Variants in THSD4 observed in about 807,000 individuals in gnomAD.
THSD4 encodes the protein thrombospondin type 1 domain containing 4.
In THSD4, 69 loss-of-function variants were observed where a neutral mutation model predicts 119.0. The observed-to-expected ratio is 0.58, with a 90% CI of 0.48 to 0.71. THSD4 has a LOEUF of 0.71. Among genes scored for constraint, THSD4 ranks in the 30% least tolerant of loss-of-function variants. The pLI is 0.00. For missense variants in THSD4, 1,393 were observed against 1,391.1 expected, an observed-to-expected ratio of 1.00 and a Z score of -0.02; for synonymous variants, 524 against 540.4, an observed-to-expected ratio of 0.97 and a Z score of 0.42.
intron 3 of THSD4, chr15:71,165,542 T>C: frequency 1.4e-6 from 1 of 715,674 alleles, no homozygotes. Flanking sequence ...ATTTTATGGA[T>C]TAACTTTCAT....
intron 1 of THSD4, among the ~76,000 whole-genome samples, chr15:71,116,028 G>A (rs914554453): frequency 1.3e-5 from 2 of 152,210 alleles, no homozygotes; most frequent in African/African-American, 4.8e-5. Context: ...AGTCGTCCCC[G>A]GGTCGGGGCC....
At chr15:71,706,659 C>T (rs2052398281) in intron 8 of THSD4, among the ~76,000 whole-genome samples, 1 of 152,120 alleles carries the variant, frequency 6.6e-6, no homozygotes, top group Non-Finnish European at 1.5e-5. Context: ...ATGCAATGCC[C>T]TGGAGGTGAA....
intron 7 of THSD4, among the ~76,000 whole-genome samples, chr15:71,560,356 G>A (rs898126920): frequency 6.6e-6 from 1 of 152,156 alleles, no homozygotes; most frequent in Non-Finnish European, 1.5e-5. Context: ...TTTGTGTCAA[G>A]TTTTGTGCTA....
chr15:71,371,962 G>A (rs1305830606), intron 6 of THSD4, among the ~76,000 whole-genome samples: 2 of 152,140 alleles, frequency 1.3e-5, no homozygotes, highest in Non-Finnish European at 2.9e-5. Flanking sequence ...ATATTTCTTG[G>A]AGGCTTTGTT....
chr15:71,170,193 A>T (rs1299234602), intron 3 of THSD4, among the ~76,000 whole-genome samples: 1 of 152,180 alleles, frequency 6.6e-6, no homozygotes, highest in Non-Finnish European at 1.5e-5. Context: ...AGACCAAGTG[A>T]TGATGGTCTG....
intron 7 of THSD4, among the ~76,000 whole-genome samples, chr15:71,655,379 A>G (rs1011594319): frequency 6.6e-6 from 1 of 152,146 alleles, no homozygotes; most frequent in Non-Finnish European, 1.5e-5. Flanking sequence ...TCTGAATTTC[A>G]CCAAATGAAG....
chr15:71,633,269 C>CTTTTTTTTTTTTTTTTTTTTTTT (rs67682951), intron 7 of THSD4, among the ~76,000 whole-genome samples: 2 of 63,158 alleles, frequency 3.2e-5, no homozygotes, highest in African/African-American at 1.1e-4. Context: ...TTCTTTCTTT[C>CTTTTTTTTTTTTTTTTTTTTTTT]TTTTTTTTTT....
At chr15:71,547,419 A>T in intron 7 of THSD4, 1 of 1,550,438 alleles carries the variant, frequency 6.4e-7, no homozygotes, top group Non-Finnish European at 8.7e-7. Flanking sequence ...AATGTTTGTC[A>T]GCTACCTGAT....
At chr15:71,616,073 A>G (rs1187973609) in intron 7 of THSD4, among the ~76,000 whole-genome samples, 1 of 152,160 alleles carries the variant, frequency 6.6e-6, no homozygotes, top group Non-Finnish European at 1.5e-5. Context: ...GAAAAACTGT[A>G]AGACTAAAGA....
intron 7 of THSD4, among the ~76,000 whole-genome samples, chr15:71,587,422 AC>A (rs2049693227): frequency 8.6e-6 from 1 of 116,114 alleles, no homozygotes; most frequent in Non-Finnish European, 1.9e-5. Flanking sequence ...GCACATATAC[AC>A]CATGGAATAC....
At chr15:71,715,071 C>T (rs1023786598) in intron 8 of THSD4, among the ~76,000 whole-genome samples, 1 of 152,052 alleles carries the variant, frequency 6.6e-6, no homozygotes, top group African/African-American at 2.4e-5. Flanking sequence ...AATCACAACT[C>T]GACACTCAAA....
At chr15:71,711,920 C>T (rs144264817) in intron 8 of THSD4, among the ~76,000 whole-genome samples, 4 of 152,188 alleles carry the variant, frequency 2.6e-5, no homozygotes, top group Admixed American at 6.5e-5. Flanking sequence ...AAACTGATAG[C>T]GTTGAAAGGA....
chr15:71,310,344 A>G (rs2045094666), intron 6 of THSD4, among the ~76,000 whole-genome samples: 1 of 152,180 alleles, frequency 6.6e-6, no homozygotes, highest in African/African-American at 2.4e-5. Flanking sequence ...TGCCTTCTGA[A>G]GGCTCATTGA....
intron 7 of THSD4, among the ~76,000 whole-genome samples, chr15:71,582,566 T>A (rs917412813): frequency 2.0e-5 from 3 of 152,156 alleles, no homozygotes; most frequent in Non-Finnish European, 2.9e-5. Context: ...TTCTTGATCT[T>A]AGAGAAAAAG....
intron 1 of THSD4, among the ~76,000 whole-genome samples, chr15:71,104,848 A>G (rs1474246683): frequency 1.3e-5 from 2 of 152,218 alleles, no homozygotes; most frequent in African/African-American, 2.4e-5. Context: ...TTAAGTTAAG[A>G]TAAGGAAGTA....
chr15:71,442,660 G>GTGTGTGTATATATATA, intron 7 of THSD4, among the ~76,000 whole-genome samples: 2 of 25,828 alleles, frequency 7.7e-5, no homozygotes, highest in African/African-American at 2.2e-4. Flanking sequence ...GTGTGTGTGT[G>GTGTGTGTATATATATA]TATATATATA....
At chr15:71,517,825 G>A (rs1015683875) in intron 7 of THSD4, among the ~76,000 whole-genome samples, 5 of 152,200 alleles carry the variant, frequency 3.3e-5, no homozygotes, top group African/African-American at 4.8e-5. Flanking sequence ...TGTGGCATTG[G>A]TTACACTTCT....
At chr15:71,712,530 G>A (rs567174743) in intron 8 of THSD4, among the ~76,000 whole-genome samples, 2 of 151,822 alleles carry the variant, frequency 1.3e-5, no homozygotes, top group South Asian at 4.1e-4. Flanking sequence ...AGGGAGAATT[G>A]CAGAAGGGAG....
Position 71,349,463 on chromosome 15 carries a change from A to G in THSD4, c.1016-62224A>G, listed in dbSNP as rs147563551. The stretch of plus-strand genomic sequence containing the variant: ...TCCATCTCCCCCTGCCCCTATCAAC[A>G]TGTCTTGAAGGTGTGGCCACTGGCC... On this transcript the variant is annotated intron_variant, in intron 6 of 17. Coordinates refer to ENST00000261862, the MANE Select transcript of THSD4 (RefSeq NM_024817.3). 3.4e-4 allele frequency among the ~76,000 whole-genome samples: 51 copies of G among 147,918 alleles called. No homozygotes were observed. In the East Asian group the frequency reaches 9.1e-3, roughly 26 times the overall value.
Sources: allele counts gnomAD v4.1 joint callset (sites outside exome capture counted in the v4.1 genomes callset), GRCh38; gene constraint gnomAD v4.1.1; transcripts MANE v1.5; gene names NCBI Gene and HGNC (gene_info 2026-07-23, HGNC 2026-07-21).